The following GRAMD1B variants were observed in gnomAD, a reference collection of about 807,000 sequenced individuals.
The protein encoded by GRAMD1B is GRAM domain containing 1B.
Under a neutral mutation model 99.7 loss-of-function variants are expected in GRAMD1B, and 37 were observed. The ratio of observed to expected loss-of-function variants is 0.37; its 90% CI spans 0.29 to 0.49. The LOEUF is 0.49. Ranked by LOEUF, GRAMD1B falls within the 20% of genes least tolerant of loss-of-function variation. GRAMD1B has a pLI of 0.98. For synonymous variants in GRAMD1B, 427 were observed against 387.6 expected, an observed-to-expected ratio of 1.10 and a Z score of -1.19; for missense variants, 888 against 1,009.2, an observed-to-expected ratio of 0.88 and a Z score of 1.63.
chr11:123,362,232 T>C (rs1163923327), intron 1 of GRAMD1B, among the ~76,000 whole-genome samples: 3 of 152,222 alleles, frequency 2.0e-5, no homozygotes, highest in African/African-American at 7.2e-5. Flanking sequence ...ATACCAGGCA[T>C]ACAGAATGAG....
chr11:123,419,708 T>A (rs1179387081), intron 1 of GRAMD1B, among the ~76,000 whole-genome samples: 1 of 66,324 alleles, frequency 1.5e-5, no homozygotes, highest in African/African-American at 1.1e-4. Flanking sequence ...AGTGTGTGTG[T>A]GTGTGTGTGT....
At chr11:123,609,149 C>T (rs370454736) in intron 12 of GRAMD1B, among the ~76,000 whole-genome samples, 34 of 152,302 alleles carry the variant, frequency 2.2e-4, no homozygotes, top group East Asian at 7.7e-4. Context: ...ATGCCATGCA[C>T]GTGACGTTAT....
intron 1 of GRAMD1B, among the ~76,000 whole-genome samples, chr11:123,436,668 G>C (rs1949174244): frequency 6.6e-6 from 1 of 152,228 alleles, no homozygotes; most frequent in Non-Finnish European, 1.5e-5. Context: ...GAAGCGTGGG[G>C]AGGTGAAGGC....
intron 17 of GRAMD1B, chr11:123,618,383 C>T: frequency 1.0e-5 from 16 of 1,595,726 alleles, no homozygotes; most frequent in Non-Finnish European, 1.4e-5. Context: ...TTCTCCTTTA[C>T]CCCCTCATCT....
At position 123,623,526 on chromosome 11, in the gene GRAMD1B, G is replaced by C. The variant is rs941721094; in HGVS notation, c.*931G>C. The C allele has an allele frequency of 6.6e-6, 1 of 151,568 alleles. No homozygotes were observed. Among genetic ancestry groups the C allele is most frequent in the Non-Finnish European group, 1.5e-5 (1 of 68,024 alleles). 9.4% of individuals were successfully genotyped at this position (151,568 alleles called of 1,614,324 possible). On this transcript the variant is annotated 3_prime_UTR_variant, in exon 20 of 20. Transcript: ENST00000635736. Reference sequence around the variant, plus strand: ...GAGGCCTTCACTTAGAGCTGTCAGTGTGATTTCCAGGATGAGTCAGGGTGT... The same window carrying C: ...GAGGCCTTCACTTAGAGCTGTCAGTCTGATTTCCAGGATGAGTCAGGGTGT...
chr11:123,449,989 T>C (rs1949813742), intron 1 of GRAMD1B, among the ~76,000 whole-genome samples: 9 of 152,178 alleles, frequency 5.9e-5, no homozygotes, highest in African/African-American at 2.2e-4. Context: ...TCCCAATGTG[T>C]TGGGATTACA....
chr11:123,455,370 G>A (rs1167761446), intron 1 of GRAMD1B, among the ~76,000 whole-genome samples: 1 of 152,090 alleles, frequency 6.6e-6, no homozygotes, highest in Non-Finnish European at 1.5e-5. Context: ...CAAGTGATCT[G>A]CCTTCCTCGG....
At chr11:123,451,024 A>G (rs1384955652) in intron 1 of GRAMD1B, among the ~76,000 whole-genome samples, 1 of 152,174 alleles carries the variant, frequency 6.6e-6, no homozygotes, top group East Asian at 1.9e-4. Context: ...GAAGGTAGAG[A>G]GGAAAGAGGG....
chr11:123,592,964 G>A (rs1950843197), intron 4 of GRAMD1B, among the ~76,000 whole-genome samples: 1 of 151,652 alleles, frequency 6.6e-6, no homozygotes, highest in Non-Finnish European at 1.5e-5. Flanking sequence ...GGGCGCGGTG[G>A]CTCACTCCTG....
intron 2 of GRAMD1B, among the ~76,000 whole-genome samples, chr11:123,505,692 A>G (rs1940352304): frequency 6.6e-6 from 1 of 152,208 alleles, no homozygotes; most frequent in Non-Finnish European, 1.5e-5. Context: ...TGGTCGAGTC[A>G]GAATTCAAGC....
At chr11:123,608,234 C>A in intron 11 of GRAMD1B, 1 of 488,716 alleles carries the variant, frequency 2.0e-6, no homozygotes, top group East Asian at 3.7e-5. Context: ...CTCGAACAGA[C>A]CTATGCCATG....
At chr11:123,499,116 T>A (rs1939597082) in intron 2 of GRAMD1B, among the ~76,000 whole-genome samples, 1 of 152,112 alleles carries the variant, frequency 6.6e-6, no homozygotes, top group South Asian at 2.1e-4. Context: ...GGAAACTCAA[T>A]CCCCATTGTA....
chr11:123,602,991 G>T (rs1178966453), intron 8 of GRAMD1B, among the ~76,000 whole-genome samples: 1 of 152,200 alleles, frequency 6.6e-6, no homozygotes, highest in Non-Finnish European at 1.5e-5. Flanking sequence ...GGAGATTTCT[G>T]TGCAGTGTGG....
chr11:123,567,392 T>A (rs780334704), intron 2 of GRAMD1B, among the ~76,000 whole-genome samples: 9 of 152,204 alleles, frequency 5.9e-5, no homozygotes, highest in Non-Finnish European at 1.0e-4. Flanking sequence ...GTAAAGTGAT[T>A]TATGTCTGAT....
At chr11:123,376,225 A>G (rs1384639714) in intron 1 of GRAMD1B, among the ~76,000 whole-genome samples, 7 of 152,166 alleles carry the variant, frequency 4.6e-5, no homozygotes, top group Non-Finnish European at 8.8e-5. Context: ...CCATAGTACT[A>G]CCTTCTTAAT....
chr11:123,585,587 C>T (rs149150675), intron 4 of GRAMD1B, among the ~76,000 whole-genome samples: 13 of 152,302 alleles, frequency 8.5e-5, no homozygotes, highest in African/African-American at 3.1e-4. Flanking sequence ...CTCTGAGCCA[C>T]CCCCTTACCT....
At chr11:123,621,360 A>G (rs1392022924) in intron 19 of GRAMD1B, among the ~76,000 whole-genome samples, 1 of 152,208 alleles carries the variant, frequency 6.6e-6, no homozygotes, top group Non-Finnish European at 1.5e-5. Flanking sequence ...CTAGTCTCCC[A>G]TTTAGACTGC....
At chr11:123,604,576 GA>G (rs1952443300) in intron 9 of GRAMD1B, among the ~76,000 whole-genome samples, 1 of 152,204 alleles carries the variant, frequency 6.6e-6, no homozygotes, top group South Asian at 2.1e-4. Context: ...AGCAAGAAAA[GA>G]ACATTGAATG....
intron 1 of GRAMD1B, among the ~76,000 whole-genome samples, chr11:123,375,106 A>T (rs1946650082): frequency 6.6e-6 from 1 of 152,354 alleles, no homozygotes; most frequent in East Asian, 1.9e-4. Context: ...CAACATTAAT[A>T]AGTGAGTATT....
Sources: allele counts gnomAD v4.1 joint callset (sites outside exome capture counted in the v4.1 genomes callset), GRCh38; gene constraint gnomAD v4.1.1; transcripts MANE v1.5; gene names NCBI Gene and HGNC (gene_info 2026-07-23, HGNC 2026-07-21).